The following GRIP1 variants were observed in gnomAD, a reference collection of about 807,000 sequenced individuals.
GRIP1 encodes glutamate receptor-interacting protein 1.
In GRIP1, 45 loss-of-function variants were observed where a neutral mutation model predicts 129.9. The observed-to-expected ratio is 0.35, with a 90% CI of 0.27 to 0.44. The LOEUF is 0.44. Ranked by LOEUF, GRIP1 falls within the 20% of genes least tolerant of loss-of-function variation. GRIP1 has a pLI of 1.00. For missense variants in GRIP1, 1,196 were observed against 1,396.8 expected, an observed-to-expected ratio of 0.86 and a Z score of 2.29; for synonymous variants, 530 against 520.8, an observed-to-expected ratio of 1.02 and a Z score of -0.24.
chr12:66,750,666 G>A (rs1337202909), intron 1 of GRIP1, among the ~76,000 whole-genome samples: 1 of 152,164 alleles, frequency 6.6e-6, no homozygotes, highest in African/African-American at 2.4e-5. Context: ...GCAGCTTTAA[G>A]GACAGAGAGC....
At chr12:66,811,708 A>T (rs1437115072) in intron 1 of GRIP1, among the ~76,000 whole-genome samples, 1 of 151,914 alleles carries the variant, frequency 6.6e-6, no homozygotes, top group Non-Finnish European at 1.5e-5. Context: ...AGATAAGAAA[A>T]GTCTACTTAC....
At chr12:66,432,896 A>G (rs548721995) in intron 13 of GRIP1, among the ~76,000 whole-genome samples, 2 of 152,286 alleles carry the variant, frequency 1.3e-5, no homozygotes, top group East Asian at 3.9e-4. Flanking sequence ...CATCAAATTT[A>G]CCTGGAATGG....
At position 66,581,218 on chromosome 12, in the gene GRIP1, T is replaced by C. The variant is rs1375253697; in HGVS notation, c.136+15629A>G. Among the ~76,000 whole-genome samples, 5 of 152,096 alleles carry C rather than the reference T, an allele frequency of 3.3e-5. No individual in the cohort carries two copies. In the East Asian group the frequency reaches 7.7e-4, roughly 24 times the overall value. ...TCTTTGAAACCAAAGAGAACAAAGATACAACATACCAGAATCTCTGGGACA... is the reference window on the plus strand; with the variant it reads ...TCTTTGAAACCAAAGAGAACAAAGACACAACATACCAGAATCTCTGGGACA... On this transcript the variant is annotated intron_variant, in intron 2 of 24. Transcript: ENST00000359742.
intron 4 of GRIP1, among the ~76,000 whole-genome samples, chr12:66,533,339 A>G (rs114728805): frequency 2.7e-3 from 409 of 151,980 alleles, no homozygotes; most frequent in African/African-American, 9.4e-3. Flanking sequence ...GCTGGCCTAG[A>G]CCAGCTTTTA....
chr12:66,884,593 A>T (rs948745524), intron 1 of GRIP1, among the ~76,000 whole-genome samples: 6 of 152,244 alleles, frequency 3.9e-5, no homozygotes, highest in African/African-American at 1.4e-4. Flanking sequence ...TAGAAGTTAC[A>T]AGAAACAAAA....
At chr12:66,873,166 G>C (rs1211478364) in intron 1 of GRIP1, among the ~76,000 whole-genome samples, 1 of 152,020 alleles carries the variant, frequency 6.6e-6, no homozygotes, top group African/African-American at 2.4e-5. Context: ...CAATAAAGAA[G>C]GGGGAAGACA....
intron 1 of GRIP1, among the ~76,000 whole-genome samples, chr12:67,052,605 A>G (rs1022444109): frequency 3.3e-5 from 5 of 152,066 alleles, no homozygotes; most frequent in African/African-American, 1.2e-4. Context: ...TAAAAATACA[A>G]AAAAATTAGC....
chr12:66,714,316 T>C (rs1380391617), intron 1 of GRIP1, among the ~76,000 whole-genome samples: 1 of 152,018 alleles, frequency 6.6e-6, no homozygotes, highest in Non-Finnish European at 1.5e-5. Context: ...TCATTGAAAA[T>C]GATGATTTAA....
Position 66,377,162 on chromosome 12 carries a change from G to A in GRIP1, c.2733+12C>T, listed in dbSNP as rs1275993468. 2 of 1,584,594 alleles carry A rather than the reference G, an allele frequency of 1.3e-6. No individual in the cohort carries two copies. Among genetic ancestry groups the A allele is most frequent in the South Asian group, 1.1e-5 (1 of 90,458 alleles). On this transcript the variant is annotated intron_variant, in intron 21 of 24. Coordinates refer to ENST00000359742, the MANE Select transcript of GRIP1 (RefSeq NM_001366722.1). The stretch of plus-strand genomic sequence containing the variant: ...TAGAAACAATAAAAGTAAGTAGCAG[G>A]ACCAAGGCTACCTCCAGTTCTCTCA...
At chr12:66,709,669 A>T (rs889056854) in intron 1 of GRIP1, among the ~76,000 whole-genome samples, 1 of 151,940 alleles carries the variant, frequency 6.6e-6, no homozygotes, top group Non-Finnish European at 1.5e-5. Flanking sequence ...AAGACAACAC[A>T]TGTGCCTTAA....
At chr12:66,793,093 G>A (rs919012023) in intron 1 of GRIP1, among the ~76,000 whole-genome samples, 1 of 152,054 alleles carries the variant, frequency 6.6e-6, no homozygotes, top group African/African-American at 2.4e-5. Context: ...ATGAATTCTA[G>A]ATTTATTTGG....
chr12:66,366,827 G>A (rs2055178168), intron 23 of GRIP1, among the ~76,000 whole-genome samples: 1 of 150,194 alleles, frequency 6.7e-6, no homozygotes, highest in East Asian at 2.0e-4. Context: ...TAGACTACAG[G>A]TGCAAGCCAC....
intron 2 of GRIP1, among the ~76,000 whole-genome samples, chr12:66,544,745 G>A (rs984265179): frequency 3.3e-5 from 5 of 152,134 alleles, no homozygotes; most frequent in Non-Finnish European, 5.9e-5. Flanking sequence ...TAGGGGGTGG[G>A]AGAGAAGTGG....
intron 1 of GRIP1, among the ~76,000 whole-genome samples, chr12:66,722,170 A>T (rs1171809973): frequency 6.6e-6 from 1 of 152,156 alleles, no homozygotes; most frequent in East Asian, 1.9e-4. Context: ...GGCGAAAGAG[A>T]CCTAGCTTTC....
At chr12:67,019,203 G>A (rs2042830131) in intron 1 of GRIP1, among the ~76,000 whole-genome samples, 1 of 152,160 alleles carries the variant, frequency 6.6e-6, no homozygotes, top group East Asian at 1.9e-4. Context: ...ACCCACAGCT[G>A]GCACAATACA....
intron 1 of GRIP1, among the ~76,000 whole-genome samples, chr12:66,967,642 G>A (rs2042016397): frequency 6.6e-6 from 1 of 152,092 alleles, no homozygotes; most frequent in Non-Finnish European, 1.5e-5. Context: ...CTCCCAAGTA[G>A]CTGAGACTAC....
At chr12:66,729,048 G>A (rs957533484) in intron 1 of GRIP1, among the ~76,000 whole-genome samples, 1 of 123,276 alleles carries the variant, frequency 8.1e-6, no homozygotes, top group Non-Finnish European at 1.7e-5. Context: ...GACAAAATAC[G>A]TTAATTTTTT....
At chr12:66,457,782 G>T (rs536582542) in intron 9 of GRIP1, among the ~76,000 whole-genome samples, 2 of 152,212 alleles carry the variant, frequency 1.3e-5, no homozygotes, top group East Asian at 3.9e-4. Context: ...AGATCACTGC[G>T]GGGTGAAGCA....
In GRIP1 at chr12:66,612,982, G is replaced by A. The variant is rs939624830; in HGVS notation, c.56-16055C>T. Reference sequence around the variant, plus strand: ...AACAACAGAGAATCAGAACACTGCTGTTCACATGTAATGATTTGAATTAAT... The same window carrying A: ...AACAACAGAGAATCAGAACACTGCTATTCACATGTAATGATTTGAATTAAT... On this transcript the variant is annotated intron_variant, in intron 1 of 24. Transcript: ENST00000359742. 4.6e-5 allele frequency among the ~76,000 whole-genome samples: 7 copies of A among 152,186 alleles called. No individual in the cohort carries two copies. The East Asian group carries it at 1.2e-3, about 25-fold the overall frequency.
Sources: allele counts gnomAD v4.1 joint callset (sites outside exome capture counted in the v4.1 genomes callset), GRCh38; gene constraint gnomAD v4.1.1; transcripts MANE v1.5; gene names NCBI Gene and HGNC (gene_info 2026-07-23, HGNC 2026-07-21).